The following COPS7B variants were observed in gnomAD, a reference collection of about 807,000 sequenced individuals.
COPS7B encodes COP9 signalosome complex subunit 7b.
In COPS7B, 9 loss-of-function variants were observed where a neutral mutation model predicts 33.4. The ratio of observed to expected loss-of-function variants is 0.27; its 90% CI spans 0.16 to 0.47. The LOEUF is 0.47. Ranked by LOEUF, COPS7B falls within the 20% of genes least tolerant of loss-of-function variation. The pLI, the probability that COPS7B is intolerant of heterozygous loss-of-function variation, is 0.99. For synonymous variants in COPS7B, 119 were observed against 126.3 expected (o/e 0.94, Z 0.39); for missense variants, 242 against 318.2 (o/e 0.76, Z 1.82).
At position 231,796,095 on chromosome 2, in the gene COPS7B, C is replaced by G. The variant is rs1210658343; in HGVS notation, c.328-11C>G. ...ATGGTTTTTATAATGATCACATGGC[C>G]TTATCTACAGTGTATCCCCTACTCC... On this transcript the variant is annotated splice_polypyrimidine_tract_variant and intron_variant, in intron 4 of 6. Transcript: ENST00000350033. The G allele has an allele frequency of 6.2e-7, 1 of 1,611,754 alleles. No homozygotes were observed. The highest frequency in any genetic ancestry group is 8.5e-7 in the Non-Finnish European group (1 of 1,177,976).
intron 6 of COPS7B, among the ~76,000 whole-genome samples, chr2:231,803,075 C>T (rs536444104): frequency 2.0e-5 from 3 of 152,324 alleles, no homozygotes; most frequent in South Asian, 4.1e-4. Flanking sequence ...GATTTGTCAG[C>T]AGTCTTATTG....
chr2:231,791,096 C>T (rs2049404426), intron 2 of COPS7B: 1 of 154,618 alleles, frequency 6.5e-6, no homozygotes, highest in Non-Finnish European at 1.5e-5. Context: ...TAATTGACAG[C>T]AGAGAAGTTC....
upstream of COPS7B, chr2:231,781,792 A>C: frequency 6.5e-7 from 1 of 1,544,996 alleles, no homozygotes; most frequent in Non-Finnish European, 8.7e-7. Flanking sequence ...CTTGAAACCC[A>C]ACGGGAAGAC....
rs2049561272 is a variant in COPS7B at position 231,796,109 on chromosome 2, A to C, written c.331A>C (p.Ile111Leu). 6.2e-7 allele frequency: 1 copy of C among 1,613,422 alleles called. No individual in the cohort carries two copies. Among genetic ancestry groups the C allele is most frequent in the African/African-American group, 1.3e-5 (1 of 74,902 alleles). ...IVSLASRMKC[I>L]PYSVLLKDLE... ...GATCACATGGCCTTATCTACAGTGT[A>C]TCCCCTACTCCGTGTTGCTGAAAGA... Residue 111 changes from isoleucine to leucine, a missense_variant, in exon 5 of 7, where the codon ATC (isoleucine) becomes CTC (leucine). Coordinates refer to ENST00000350033, the MANE Select transcript of COPS7B (RefSeq NM_022730.4).
chr2:231,805,746 G>A (rs1400260581), intron 6 of COPS7B, among the ~76,000 whole-genome samples: 2 of 151,938 alleles, frequency 1.3e-5, no homozygotes, highest in African/African-American at 4.8e-5. Context: ...GGGCTTAAGC[G>A]ATCCTCCTGC....
upstream of COPS7B, among the ~76,000 whole-genome samples, chr2:231,784,544 C>G (rs1483703406): frequency 6.6e-6 from 1 of 152,056 alleles, no homozygotes; most frequent in Non-Finnish European, 1.5e-5. Context: ...GGACATTGTT[C>G]TAGAGGAAGT....
At chr2:231,789,807 TG>T (rs2049360195) in intron 2 of COPS7B, 1 of 152,334 alleles carries the variant, frequency 6.6e-6, no homozygotes, top group Non-Finnish European at 1.5e-5. Flanking sequence ...TTCAGTTTAT[TG>T]GATTCGGTGC....
At chr2:231,800,001 A>G (rs1017251570) in intron 6 of COPS7B, among the ~76,000 whole-genome samples, 1 of 152,208 alleles carries the variant, frequency 6.6e-6, no homozygotes, top group African/African-American at 2.4e-5. Context: ...GCACACCATA[A>G]AAGTGTGTCA....
intron 6 of COPS7B, 151 bp downstream of exon 6, chr2:231,799,115 G>C: frequency 1.5e-6 from 1 of 667,220 alleles, no homozygotes; most frequent in Non-Finnish European, 2.7e-6. Flanking sequence ...TTACAGGGAT[G>C]AGTGTGACAC....
At chr2:231,798,750 G>A in intron 5 of COPS7B, 109 bp from the exon 6 acceptor site, 1 of 795,316 alleles carries the variant, frequency 1.3e-6, no homozygotes, top group Non-Finnish European at 2.1e-6. Context: ...GAGTATTAAA[G>A]GAGGTCCCTG....
intron 2 of COPS7B, chr2:231,789,345 A>G (rs1460822142): frequency 1.3e-5 from 2 of 152,320 alleles, no homozygotes; most frequent in Non-Finnish European, 2.9e-5. Context: ...AGAGATGTAA[A>G]GCAATCTATA....
intron 4 of COPS7B, 140 bp downstream of exon 4, chr2:231,794,491 AATG>A (rs1291761527): frequency 1.4e-5 from 9 of 655,642 alleles, no homozygotes; most frequent in Non-Finnish European, 2.4e-5. Flanking sequence ...GAAAAGATAA[AATG>A]GTGTAGAAAA....
intron 6 of COPS7B, among the ~76,000 whole-genome samples, chr2:231,802,455 G>T (rs1287385560): frequency 6.6e-6 from 1 of 152,124 alleles, no homozygotes; most frequent in Non-Finnish European, 1.5e-5. Flanking sequence ...AATATTTAAG[G>T]TCTCTGATGG....
Position 231,788,809 on chromosome 2 carries a change from T to C in COPS7B, c.162+77T>C. The C allele has an allele frequency of 4.3e-6, 6 of 1,383,948 alleles. No individual in the cohort carries two copies. The South Asian group carries it at 5.2e-5, about 12-fold the overall frequency. The allele number at this position is 1,383,948 out of a possible 1,614,324, so 85.7% of individuals were successfully genotyped here. A position where few individuals can be genotyped will look rare whatever the true frequency, so the allele number is the denominator to read the frequency against. ...CCAGGTTTCCAAAGAATTTCAGTGCTGAAGTATTGTGAACCTGTGAGGTAC... is the reference window on the plus strand; with the variant it reads ...CCAGGTTTCCAAAGAATTTCAGTGCCGAAGTATTGTGAACCTGTGAGGTAC... On this transcript the variant is annotated intron_variant, in intron 2 of 6. Transcript: ENST00000350033.
chr2:231,807,752 G>C lies in COPS7B; in HGVS notation c.*107G>C. Reference sequence around the variant, plus strand: ...CCTGCAGTGAGTTCCAGACCTGCCCGTCCCCTCACCAGCGCCTCCCCACCC... The same window carrying C: ...CCTGCAGTGAGTTCCAGACCTGCCCCTCCCCTCACCAGCGCCTCCCCACCC... On this transcript the variant is annotated 3_prime_UTR_variant, in exon 7 of 7. Transcript: ENST00000350033. 1 of 1,068,126 alleles carries C rather than the reference G, an allele frequency of 9.4e-7. No individual in the cohort carries two copies. 66.2% of individuals were successfully genotyped at this position (1,068,126 alleles called of 1,614,324 possible). A position where few individuals can be genotyped will look rare whatever the true frequency, so the allele number is the denominator to read the frequency against.
At chr2:231,787,383 T>C (rs987944352) in intron 1 of COPS7B, among the ~76,000 whole-genome samples, 5 of 152,160 alleles carry the variant, frequency 3.3e-5, no homozygotes, top group African/African-American at 1.2e-4. Context: ...TACTATACCG[T>C]TTTTCGTTCA....
At chr2:231,796,749 C>T (rs1349822835) in intron 5 of COPS7B, among the ~76,000 whole-genome samples, 4 of 152,090 alleles carry the variant, frequency 2.6e-5, no homozygotes, top group South Asian at 2.1e-4. Flanking sequence ...TAAGATTCTT[C>T]GGATAAAAGA....
intron 6 of COPS7B, chr2:231,801,271 A>T: frequency 6.5e-7 from 1 of 1,543,028 alleles, no homozygotes; most frequent in Non-Finnish European, 8.8e-7. Flanking sequence ...ACTGCCGAAG[A>T]ATATTCTCTC....
chr2:231,795,032 G>A (rs1402647554), intron 4 of COPS7B, among the ~76,000 whole-genome samples: 1 of 151,094 alleles, frequency 6.6e-6, no homozygotes, highest in Non-Finnish European at 1.5e-5. Flanking sequence ...TGATTCTCCT[G>A]CCTCAGCCTC....
Sources: gnomAD v4.1 joint callset for allele counts (sites outside exome capture counted in the v4.1 genomes callset) on GRCh38, gnomAD v4.1.1 for gene constraint, MANE v1.5 for transcripts, NCBI Gene and HGNC (gene_info 2026-07-23, HGNC 2026-07-21) for gene names.